PTPRG: variants seen among roughly 807,000 people sequenced by gnomAD.
PTPRG encodes receptor-type tyrosine-protein phosphatase gamma.
Under a neutral mutation model 165.3 loss-of-function variants are expected in PTPRG, and 102 were observed. The ratio of observed to expected loss-of-function variants is 0.62; its 90% confidence interval spans 0.53 to 0.73. PTPRG has a LOEUF of 0.73. Among genes scored for constraint, PTPRG ranks in the 30% least tolerant of loss-of-function variants. The pLI is 0.00. For synonymous variants in PTPRG, 675 were observed against 669.5 expected (o/e 1.01, Z -0.13); for missense variants, 1,866 against 1,861.4 (o/e 1.00, Z -0.05).
intron 5 of PTPRG, among the ~76,000 whole-genome samples, chr3:62,113,754 A>G (rs1431264486): frequency 6.6e-6 from 1 of 152,220 alleles, no homozygotes; most frequent in Non-Finnish European, 1.5e-5. Context: ...CGAAACTACT[A>G]TAAAGTGGTT....
intron 2 of PTPRG, among the ~76,000 whole-genome samples, chr3:61,872,859 A>G (rs944277121): frequency 2.6e-5 from 4 of 152,178 alleles, no homozygotes; most frequent in East Asian, 1.9e-4. Flanking sequence ...ATGGCCATCA[A>G]AGTAAAATAC....
intron 1 of PTPRG, among the ~76,000 whole-genome samples, chr3:61,748,416 A>G (rs527255581): frequency 6.6e-6 from 1 of 152,350 alleles, no homozygotes; most frequent in South Asian, 2.1e-4. Context: ...TAAAGATCAA[A>G]TGGAGCCCGA....
Position 62,294,784 on chromosome 3 carries a change from A to G in PTPRG, c.*1477A>G, listed in dbSNP as rs1703008864. On this transcript the variant is annotated 3_prime_UTR_variant, in exon 30 of 30. Transcript: ENST00000474889. Reference sequence around the variant, plus strand: ...AATCATCACCAGAACTGGGCCTGTTAGGAAGAATAGGGTTTTATTTACTTT... The same window carrying G: ...AATCATCACCAGAACTGGGCCTGTTGGGAAGAATAGGGTTTTATTTACTTT... 6.6e-6 allele frequency: 1 copy of G among 152,148 alleles called. No homozygotes were observed. Among genetic ancestry groups the G allele is most frequent in the African/African-American group, 2.4e-5 (1 of 41,446 alleles). 9.4% of individuals were successfully genotyped at this position (152,148 alleles called of 1,614,324 possible).
chr3:61,679,426 A>C (rs1386524928), intron 1 of PTPRG, among the ~76,000 whole-genome samples: 1 of 152,200 alleles, frequency 6.6e-6, no homozygotes, highest in East Asian at 1.9e-4. Context: ...CTTATAAGTC[A>C]CGGAATGACC....
intron 1 of PTPRG, among the ~76,000 whole-genome samples, chr3:61,738,235 A>G (rs1438633336): frequency 2.1e-5 from 3 of 144,080 alleles, no homozygotes; most frequent in African/African-American, 7.6e-5. Context: ...AACCACATTT[A>G]AATAGGGCTT....
At position 62,117,332 on chromosome 3, in the gene PTPRG, C is replaced by T. The variant is rs528555739; in HGVS notation, c.616-15270C>T. The stretch of plus-strand genomic sequence containing the variant: ...TATTGTTCTACCAACAGAATCATTG[C>T]ACTGTGCCTTATATAAATGTTGAAC... On this transcript the variant is annotated intron_variant, in intron 5 of 29. Coordinates refer to ENST00000474889, the MANE Select transcript of PTPRG (RefSeq NM_002841.4). 4.3e-4 allele frequency among the ~76,000 whole-genome samples: 66 copies of T among 152,328 alleles called. 1 individual carries two copies. The highest frequency in any genetic ancestry group is 1.6e-3 in the African/African-American group (65 of 41,576).
chr3:61,959,559 A>G (rs1463739271), intron 2 of PTPRG, among the ~76,000 whole-genome samples: 1 of 152,182 alleles, frequency 6.6e-6, no homozygotes, highest in Non-Finnish European at 1.5e-5. Context: ...AATCCTGCTG[A>G]GTGTCTTGGT....
intron 1 of PTPRG, among the ~76,000 whole-genome samples, chr3:61,742,143 C>CT (rs908825036): frequency 6.6e-6 from 1 of 152,014 alleles, no homozygotes; most frequent in African/African-American, 2.4e-5. Flanking sequence ...GCTTGCAAGT[C>CT]TTTTTTTCCC....
chr3:61,943,041 A>G (rs768339888), intron 2 of PTPRG, among the ~76,000 whole-genome samples: 1 of 152,164 alleles, frequency 6.6e-6, no homozygotes, highest in Non-Finnish European at 1.5e-5. Flanking sequence ...TACGCCAGGT[A>G]TGCTTGTTGG....
chr3:61,601,761 T>C (rs1878773), intron 1 of PTPRG, among the ~76,000 whole-genome samples: 149,486 of 152,334 alleles, frequency 0.98, 73,413 homozygotes, highest in East Asian at 1. Context: ...GAAGGTGACA[T>C]GTGTCAGTAA....
intron 2 of PTPRG, among the ~76,000 whole-genome samples, chr3:61,911,315 A>G (rs1321681053): frequency 1.3e-5 from 2 of 152,238 alleles, no homozygotes; most frequent in African/African-American, 4.8e-5. Context: ...GCCAGGCACC[A>G]GAGACATAGA....
chr3:62,086,278 A>ATTTTTTT (rs34119209), intron 5 of PTPRG, among the ~76,000 whole-genome samples: 1 of 148,170 alleles, frequency 6.7e-6, no homozygotes, highest in African/African-American at 2.5e-5. Flanking sequence ...TATGGTTTTA[A>ATTTTTTT]TTTTTTTTTT....
chr3:62,289,575 G>A (rs1034758484), intron 28 of PTPRG, among the ~76,000 whole-genome samples: 1 of 151,826 alleles, frequency 6.6e-6, no homozygotes, highest in African/African-American at 2.4e-5. Flanking sequence ...TAGTAATGTA[G>A]AGCTGGTGTT....
At chr3:61,805,871 G>A (rs1016395460) in intron 2 of PTPRG, among the ~76,000 whole-genome samples, 9 of 152,166 alleles carry the variant, frequency 5.9e-5, no homozygotes, top group African/African-American at 2.2e-4. Context: ...GTGGGGCAGG[G>A]AGATGGATTT....
At chr3:61,846,955 G>A (rs2036824203) in intron 2 of PTPRG, among the ~76,000 whole-genome samples, 2 of 152,066 alleles carry the variant, frequency 1.3e-5, no homozygotes, top group African/African-American at 4.8e-5. Flanking sequence ...CGACTGTGCT[G>A]TCTAGTACAG....
intron 2 of PTPRG, among the ~76,000 whole-genome samples, chr3:61,774,309 A>G (rs1209832415): frequency 6.6e-6 from 1 of 152,242 alleles, no homozygotes; most frequent in Non-Finnish European, 1.5e-5. Context: ...GACCAGGAGT[A>G]GTAGTTATTC....
At chr3:62,082,488 T>C in intron 5 of PTPRG, among the ~76,000 whole-genome samples, 1 of 152,226 alleles carries the variant, frequency 6.6e-6, no homozygotes, top group Non-Finnish European at 1.5e-5. Flanking sequence ...TTCAGTTAAA[T>C]ATGGAAGGTT....
intron 2 of PTPRG, among the ~76,000 whole-genome samples, chr3:61,751,745 C>T (rs1354097335): frequency 2.0e-5 from 3 of 152,146 alleles, no homozygotes; most frequent in African/African-American, 7.2e-5. Flanking sequence ...AATCCCAGCA[C>T]TTTGGGAGGC....
intron 1 of PTPRG, among the ~76,000 whole-genome samples, chr3:61,602,209 T>G (rs1379796897): frequency 1.3e-5 from 2 of 152,142 alleles, no homozygotes; most frequent in Non-Finnish European, 2.9e-5. Flanking sequence ...GCTGGCTGTC[T>G]TAGTCAATAG....
Sources: gnomAD v4.1 joint callset for allele counts (sites outside exome capture counted in the v4.1 genomes callset) on GRCh38, gnomAD v4.1.1 for gene constraint, MANE v1.5 for transcripts, NCBI Gene and HGNC (gene_info 2026-07-23, HGNC 2026-07-21) for gene names.